The following TMEM38B variants were observed in gnomAD, a reference collection of about 807,000 sequenced individuals.
The protein encoded by TMEM38B is trimeric intracellular cation channel type B.
In TMEM38B, 24 loss-of-function variants were observed where a neutral mutation model predicts 28.7. That is an observed-to-expected ratio of 0.84 (90% CI 0.61 to 1.18). TMEM38B has a LOEUF of 1.18. Among genes scored for constraint, TMEM38B ranks in the 50% most tolerant of loss-of-function variants. The probability of loss-of-function intolerance (pLI) is 0.00; values close to 1 mark genes in which losing one functional copy is unlikely to be tolerated. For synonymous variants in TMEM38B, 131 were observed against 127.7 expected, an observed-to-expected ratio of 1.03 and a Z score of -0.17; for missense variants, 380 against 350.9, an observed-to-expected ratio of 1.08 and a Z score of -0.66.
chr9:105,710,367 AGTT>A (rs1835855772), intron 2 of TMEM38B: 1 of 763,830 alleles, frequency 1.3e-6, no homozygotes, highest in Non-Finnish European at 2.3e-6. Context: ...GATCTTCTAT[AGTT>A]GTTATGAAAA....
intron 1 of TMEM38B, among the ~76,000 whole-genome samples, chr9:105,704,078 G>C (rs1248860903): frequency 7.0e-6 from 1 of 142,852 alleles, no homozygotes; most frequent in African/African-American, 2.7e-5. Context: ...TCTGGGGACT[G>C]TTGTGGGGTA....
intron 4 of TMEM38B, among the ~76,000 whole-genome samples, chr9:105,745,483 A>G (rs1837353185): frequency 6.6e-6 from 1 of 152,160 alleles, no homozygotes; most frequent in South Asian, 2.1e-4. Flanking sequence ...GATTCTGGAT[A>G]TTAGCCCTTT....
At chr9:105,750,758 A>T (rs916793054) in intron 5 of TMEM38B, among the ~76,000 whole-genome samples, 3 of 152,206 alleles carry the variant, frequency 2.0e-5, no homozygotes, top group Non-Finnish European at 4.4e-5. Flanking sequence ...ATTTTCTTCA[A>T]GAGTTTTATA....
chr9:105,694,590 C>T lies in TMEM38B; in HGVS notation c.-71C>T, dbSNP rs922758638. ...CGGGCGGCCGCGGCTGTGCCCTCTCCTACTCCTCACCGCGCGAGCGCGGGG... is the reference window on the plus strand; with the variant it reads ...CGGGCGGCCGCGGCTGTGCCCTCTCTTACTCCTCACCGCGCGAGCGCGGGG... On this transcript the variant is annotated 5_prime_UTR_variant, in exon 1 of 6. Transcript: ENST00000374692. The T allele has an allele frequency of 6.0e-6, 8 of 1,324,608 alleles. No homozygotes were observed. The East Asian group carries it at 9.3e-5, about 15-fold the overall frequency. The allele number at this position is 1,324,608 out of a possible 1,614,324, so 82.1% of individuals were successfully genotyped here.
chr9:105,758,970 G>T, intron 5 of TMEM38B: 1 of 1,319,478 alleles, frequency 7.6e-7, no homozygotes, highest in Non-Finnish European at 1.1e-6. Context: ...TCCAAAACAA[G>T]TAATTCCCCA....
At chr9:105,735,845 A>G (rs1450734202) in intron 4 of TMEM38B, among the ~76,000 whole-genome samples, 5 of 152,066 alleles carry the variant, frequency 3.3e-5, no homozygotes, top group African/African-American at 7.2e-5. Context: ...AGACTTGGGA[A>G]ATTTTCAGCA....
At chr9:105,708,838 A>C (rs1835780193) in intron 2 of TMEM38B, among the ~76,000 whole-genome samples, 1 of 146,132 alleles carries the variant, frequency 6.8e-6, no homozygotes, top group Non-Finnish European at 1.5e-5. Flanking sequence ...ATTGCTATCC[A>C]ACATGTTATC....
At chr9:105,765,007 T>G (rs4401930) in intron 5 of TMEM38B, among the ~76,000 whole-genome samples, 35,384 of 152,072 alleles carry the variant, frequency 0.23, 6,786 homozygotes, top group African/African-American at 0.51. Flanking sequence ...AATAAATGGT[T>G]CTGGGACAAC....
At chr9:105,735,993 A>G (rs1356997390) in intron 4 of TMEM38B, among the ~76,000 whole-genome samples, 1 of 152,088 alleles carries the variant, frequency 6.6e-6, no homozygotes. Flanking sequence ...TCAGCCTCTC[A>G]AAAATAGCTG....
At chr9:105,702,150 C>T (rs558233355) in intron 1 of TMEM38B, among the ~76,000 whole-genome samples, 6 of 152,220 alleles carry the variant, frequency 3.9e-5, no homozygotes, top group Middle Eastern at 6.8e-3. Flanking sequence ...CTGTTGCTTA[C>T]GTGATTATTT....
intron 1 of TMEM38B, chr9:105,702,895 G>A (rs573853465): frequency 3.9e-5 from 6 of 152,156 alleles, no homozygotes; most frequent in Admixed American, 2.6e-4. Context: ...GCTCAAGCTG[G>A]TCTCGACCTC....
intron 5 of TMEM38B, chr9:105,760,781 G>A (rs1051887113): frequency 3.3e-6 from 3 of 917,502 alleles, no homozygotes; most frequent in African/African-American, 3.4e-5. Flanking sequence ...TGTAATACTT[G>A]TGGAACTTTG....
chr9:105,754,269 C>T (rs1837756709), intron 5 of TMEM38B, among the ~76,000 whole-genome samples: 1 of 152,124 alleles, frequency 6.6e-6, no homozygotes. Context: ...CTGACCTCAG[C>T]TCTGGATCAA....
chr9:105,705,550 A>G (rs755998658), intron 1 of TMEM38B, 47 bp from the exon 2 acceptor site: 1 of 1,536,688 alleles, frequency 6.5e-7, no homozygotes, highest in South Asian at 1.3e-5. Context: ...GGGCTTGTTT[A>G]ATAAATGTAT....
intron 2 of TMEM38B, among the ~76,000 whole-genome samples, chr9:105,709,177 G>A (rs10759130): frequency 0.19 from 29,516 of 151,858 alleles, 2,939 homozygotes; most frequent in Middle Eastern, 0.3. Context: ...ACCCAGTCTC[G>A]TTTATATCTA....
At position 105,694,589 on chromosome 9, in the gene TMEM38B, C is replaced by G. The variant is rs975619110; in HGVS notation, c.-72C>G. Reference sequence around the variant, plus strand: ...GCGGGCGGCCGCGGCTGTGCCCTCTCCTACTCCTCACCGCGCGAGCGCGGG... The same window carrying G: ...GCGGGCGGCCGCGGCTGTGCCCTCTGCTACTCCTCACCGCGCGAGCGCGGG... On this transcript the variant is annotated 5_prime_UTR_variant, in exon 1 of 6. Transcript: ENST00000374692. 5 of 1,310,408 alleles carry G rather than the reference C, an allele frequency of 3.8e-6. No individual in the cohort carries two copies. The highest frequency in any genetic ancestry group is 1.5e-5 in the African/African-American group (1 of 68,188). 81.2% of individuals were successfully genotyped at this position (1,310,408 alleles called of 1,614,324 possible).
intron 2 of TMEM38B, among the ~76,000 whole-genome samples, chr9:105,714,298 T>C (rs1836014412): frequency 6.6e-6 from 1 of 152,166 alleles, no homozygotes; most frequent in Non-Finnish European, 1.5e-5. Flanking sequence ...GCTCTAACAC[T>C]AAACAAAGCT....
chr9:105,760,025 A>C (rs1837980186), intron 5 of TMEM38B: 2 of 1,388,302 alleles, frequency 1.4e-6, no homozygotes, highest in East Asian at 2.3e-5. Context: ...AGTTCAATAG[A>C]ATTTTCAGAA....
At chr9:105,732,215 G>A (rs539870143) in intron 4 of TMEM38B, among the ~76,000 whole-genome samples, 1 of 152,130 alleles carries the variant, frequency 6.6e-6, no homozygotes, top group African/African-American at 2.4e-5. Context: ...TTAGCACTTT[G>A]TCAGATGGGT....
Sources: gnomAD v4.1 joint callset for allele counts (sites outside exome capture counted in the v4.1 genomes callset) on GRCh38, gnomAD v4.1.1 for gene constraint, MANE v1.5 for transcripts, NCBI Gene and HGNC (gene_info 2026-07-23, HGNC 2026-07-21) for gene names.